Variants in RNLS observed in about 807,000 individuals in gnomAD.
The protein encoded by RNLS is renalase.
Under a neutral mutation model 39.8 loss-of-function variants are expected in RNLS, and 39 were observed. The observed-to-expected ratio is 0.98, with a 90% CI of 0.76 to 1.28. The LOEUF (loss-of-function observed/expected upper bound fraction) is 1.28, where lower values mean the gene tolerates loss of function less well. RNLS is among the 50% of genes most tolerant of loss of function. The pLI, the probability that RNLS is intolerant of heterozygous loss-of-function variation, is 0.00. For missense variants in RNLS, 410 were observed against 413.3 expected, an observed-to-expected ratio of 0.99 and a Z score of 0.07; for synonymous variants, 147 against 150.7, an observed-to-expected ratio of 0.98 and a Z score of 0.18.
intron 4 of RNLS, among the ~76,000 whole-genome samples, chr10:88,503,750 T>C (rs2134119883): frequency 6.6e-6 from 1 of 152,310 alleles, no homozygotes; most frequent in East Asian, 1.9e-4. Context: ...ACTTCTCTTT[T>C]CAACAGGTAG....
chr10:88,206,665 G>A, the RNLS span, among the ~76,000 whole-genome samples: 2 of 152,138 alleles, frequency 1.3e-5, no homozygotes, highest in South Asian at 4.1e-4. Context: ...GTTGGTTGCT[G>A]CGGTAGATTG....
At chr10:88,290,194 G>T (rs183643466) in intron 6 of RNLS, among the ~76,000 whole-genome samples, 8 of 152,230 alleles carry the variant, frequency 5.3e-5, no homozygotes, top group Middle Eastern at 6.8e-3. Flanking sequence ...CTATGCTAAA[G>T]CTACAGTGCG....
intron 4 of RNLS, among the ~76,000 whole-genome samples, chr10:88,455,907 GAATA>G: frequency 6.6e-6 from 1 of 152,096 alleles, no homozygotes; most frequent in East Asian, 1.9e-4. Context: ...GTTTTAAAAT[GAATA>G]GTAATCTACC....
chr10:88,333,061 G>A (rs1039823032), intron 5 of RNLS, among the ~76,000 whole-genome samples: 8 of 152,078 alleles, frequency 5.3e-5, no homozygotes, highest in African/African-American at 1.7e-4. Context: ...TAGGCTGCTT[G>A]TTGTTTTGTA....
At chr10:88,263,641 C>G in the RNLS span, among the ~76,000 whole-genome samples, 1 of 152,108 alleles carries the variant, frequency 6.6e-6, no homozygotes, top group South Asian at 2.1e-4. Context: ...CTTAATTGCA[C>G]TGATTGGGAA....
intron 4 of RNLS, among the ~76,000 whole-genome samples, chr10:88,490,542 C>A (rs567623338): frequency 6.6e-6 from 1 of 152,280 alleles, no homozygotes; most frequent in African/African-American, 2.4e-5. Context: ...GTAAAGCATA[C>A]ATTTTGCAGG....
At chr10:88,387,609 G>A (rs1219525768) in intron 4 of RNLS, among the ~76,000 whole-genome samples, 1 of 151,214 alleles carries the variant, frequency 6.6e-6, no homozygotes, top group Non-Finnish European at 1.5e-5. Flanking sequence ...AGTTTACAAA[G>A]TGCTTTTACA....
intron 4 of RNLS, among the ~76,000 whole-genome samples, chr10:88,540,618 A>AC (rs1847987445): frequency 6.6e-6 from 1 of 152,082 alleles, no homozygotes; most frequent in African/African-American, 2.4e-5. Flanking sequence ...AATTTGAAGA[A>AC]TTTTTCCAGA....
At chr10:88,316,977 C>A (rs780555529) in intron 5 of RNLS, among the ~76,000 whole-genome samples, 1 of 151,870 alleles carries the variant, frequency 6.6e-6, no homozygotes, top group Non-Finnish European at 1.5e-5. Flanking sequence ...GAAAATAGAG[C>A]AGTATAAAAA....
intron 4 of RNLS, among the ~76,000 whole-genome samples, chr10:88,558,407 G>A (rs1470283149): frequency 6.6e-6 from 1 of 152,144 alleles, no homozygotes; most frequent in Non-Finnish European, 1.5e-5. Context: ...TCACAAAATT[G>A]TGTTGATATT....
At chr10:88,442,803 A>T (rs918418357) in intron 4 of RNLS, among the ~76,000 whole-genome samples, 14 of 152,104 alleles carry the variant, frequency 9.2e-5, no homozygotes, top group Non-Finnish European at 7.4e-5. Context: ...TGCTGTCAGC[A>T]GTCACTTTTA....
intron 4 of RNLS, among the ~76,000 whole-genome samples, chr10:88,421,625 T>C (rs1006775778): frequency 6.6e-6 from 1 of 152,238 alleles, no homozygotes; most frequent in African/African-American, 2.4e-5. Context: ...TATCTTATTA[T>C]TGAATTAATC....
At chr10:88,381,183 T>TTAAG (rs1445901032) in intron 4 of RNLS, among the ~76,000 whole-genome samples, 3 of 152,228 alleles carry the variant, frequency 2.0e-5, no homozygotes, top group African/African-American at 7.2e-5. Flanking sequence ...TGCTTGGCAC[T>TTAAG]TAAGTCACAG....
At chr10:88,546,994 G>C (rs1442427869) in intron 4 of RNLS, among the ~76,000 whole-genome samples, 1 of 152,078 alleles carries the variant, frequency 6.6e-6, no homozygotes, top group African/African-American at 2.4e-5. Flanking sequence ...ATCCAAAGCA[G>C]ATATCTAAAA....
intron 4 of RNLS, among the ~76,000 whole-genome samples, chr10:88,396,672 C>T (rs148207996): frequency 1.6e-4 from 23 of 147,130 alleles, no homozygotes; most frequent in African/African-American, 2.5e-4. Context: ...ATTAATTAAA[C>T]GCTGATTTAA....
chr10:88,516,188 T>C (rs1270175576), intron 4 of RNLS, among the ~76,000 whole-genome samples: 2 of 151,988 alleles, frequency 1.3e-5, no homozygotes, highest in East Asian at 1.9e-4. Flanking sequence ...CATTTTGTTA[T>C]GGCAGCCCTA....
intron 3 of RNLS, among the ~76,000 whole-genome samples, chr10:88,575,458 A>G (rs1246824757): frequency 1.3e-5 from 2 of 151,772 alleles, no homozygotes; most frequent in Admixed American, 6.6e-5. Flanking sequence ...GATGCGCGCT[A>G]AAGTATGAGA....
chr10:88,457,856 G>C (rs997188040), intron 4 of RNLS, among the ~76,000 whole-genome samples: 4 of 152,170 alleles, frequency 2.6e-5, no homozygotes, highest in Admixed American at 2.0e-4. Flanking sequence ...CTTGAAGCTA[G>C]ATTTGACGTC....
intron 5 of RNLS, among the ~76,000 whole-genome samples, chr10:88,341,442 T>C (rs1847955327): frequency 6.6e-6 from 1 of 151,776 alleles, no homozygotes; most frequent in Admixed American, 6.6e-5. Context: ...AGACACTGAA[T>C]GTATAAACAA....
Sources: allele counts gnomAD v4.1 joint callset (sites outside exome capture counted in the v4.1 genomes callset), GRCh38; gene constraint gnomAD v4.1.1; transcripts MANE v1.5; gene names NCBI Gene and HGNC (gene_info 2026-07-23, HGNC 2026-07-21).